The following IARS1 variants were observed in gnomAD, a reference collection of about 807,000 sequenced individuals.
IARS1 encodes the protein isoleucine--tRNA ligase, cytoplasmic.
IARS1 carries 124 observed loss-of-function variants against 168.2 expected under a neutral mutation model. The observed-to-expected ratio is 0.74, with a 90% confidence interval of 0.64 to 0.86. The LOEUF (loss-of-function observed/expected upper bound fraction) is 0.86. Ranked by LOEUF, IARS1 falls within the 40% of genes least tolerant of loss-of-function variation. IARS1 has a pLI of 0.00. For missense variants in IARS1, 1,452 were observed against 1,515.8 expected (o/e 0.96, Z 0.70); for synonymous variants, 532 against 529.4 (o/e 1.00, Z -0.07).
At chr9:92,284,002 G>A (rs1181954184) in intron 6 of IARS1, among the ~76,000 whole-genome samples, 1 of 152,094 alleles carries the variant, frequency 6.6e-6, no homozygotes, top group Non-Finnish European at 1.5e-5. Flanking sequence ...GCAACATGGT[G>A]AAACCACTCC....
intron 25 of IARS1, 45 bp downstream of exon 25, chr9:92,249,813 T>G (rs1198734334): frequency 1.0e-6 from 1 of 964,370 alleles, no homozygotes; most frequent in Non-Finnish European, 1.6e-6. Context: ...CAAAATAATG[T>G]TCTAAGTCTA....
At chr9:92,274,610 A>C (rs2133898406) in intron 9 of IARS1, 89 bp from the exon 10 acceptor site, 5 of 876,288 alleles carry the variant, frequency 5.7e-6, no homozygotes, top group Middle Eastern at 4.5e-4. Context: ...GAACCTGAAA[A>C]TGCTTTTAAC....
At chr9:92,248,890 T>A (rs1224684256) in intron 25 of IARS1, among the ~76,000 whole-genome samples, 1 of 152,164 alleles carries the variant, frequency 6.6e-6, no homozygotes, top group Admixed American at 6.5e-5. Flanking sequence ...GAAGATGAGG[T>A]AAAACATATG....
intron 33 of IARS1, 99 bp downstream of exon 33, chr9:92,222,421 A>G (rs1214707345): frequency 2.0e-5 from 14 of 690,404 alleles, no homozygotes; most frequent in Non-Finnish European, 4.5e-6. Flanking sequence ...AAACAGGATA[A>G]CAATAGTACT....
intron 16 of IARS1, among the ~76,000 whole-genome samples, chr9:92,264,607 C>T (rs1011198933): frequency 2.6e-5 from 4 of 152,176 alleles, no homozygotes; most frequent in South Asian, 2.1e-4. Flanking sequence ...AATACTCAAA[C>T]ATTTGAGTAA....
chr9:92,246,892 T>C (rs148844565), intron 26 of IARS1, among the ~76,000 whole-genome samples: 2 of 152,244 alleles, frequency 1.3e-5, no homozygotes, highest in East Asian at 3.9e-4. Context: ...GGAAAAAAAG[T>C]TTTACTTAAG....
chr9:92,247,800 G>C (rs755885196), intron 25 of IARS1, among the ~76,000 whole-genome samples: 1 of 152,142 alleles, frequency 6.6e-6, no homozygotes, highest in African/African-American at 2.4e-5. Flanking sequence ...GGTGAAACAC[G>C]CCAGACATAA....
At chr9:92,268,714 T>C (rs1197059520) in intron 13 of IARS1, among the ~76,000 whole-genome samples, 1 of 152,234 alleles carries the variant, frequency 6.6e-6, no homozygotes, top group East Asian at 1.9e-4. Context: ...GCCCTCTCTA[T>C]AGTCACCTCT....
chr9:92,242,024 C>T, intron 29 of IARS1, 130 bp downstream of exon 29: 1 of 718,126 alleles, frequency 1.4e-6, no homozygotes, highest in Non-Finnish European at 2.4e-6. Flanking sequence ...CCACTACTGT[C>T]CAGAGCAATA....
chr9:92,267,076 T>C lies in IARS1; in HGVS notation c.1431+1098A>G, dbSNP rs558878912. Among the ~76,000 whole-genome samples the C allele has an allele frequency of 1.6e-3, 241 of 152,270 alleles. 2 individuals carry two copies. Among genetic ancestry groups the C allele is most frequent in the Non-Finnish European group, 2.1e-3 (146 of 68,024 alleles). ...TGACTGAATGACATTATGTGGTGCA[T>C]GACTATATTATGCTTGGACCCGATT... On this transcript the variant is annotated intron_variant, in intron 14 of 33. Coordinates refer to ENST00000443024, the MANE Select transcript of IARS1 (RefSeq NM_002161.6).
chr9:92,227,904 C>G (rs1006404831), intron 31 of IARS1, among the ~76,000 whole-genome samples: 8 of 152,088 alleles, frequency 5.3e-5, no homozygotes, highest in Non-Finnish European at 7.4e-5. Flanking sequence ...GGCAGCCAGG[C>G]AGAGATGCTC....
At chr9:92,214,144 T>C (rs1170984143) in intron 33 of IARS1, among the ~76,000 whole-genome samples, 4 of 151,990 alleles carry the variant, frequency 2.6e-5, no homozygotes, top group African/African-American at 4.8e-5. Context: ...TTAAAGTGTG[T>C]CTGGGTTGTC....
At chr9:92,269,455 C>T (rs1336459323) in intron 13 of IARS1, among the ~76,000 whole-genome samples, 2 of 152,198 alleles carry the variant, frequency 1.3e-5, no homozygotes, top group Non-Finnish European at 2.9e-5. Context: ...CTTATCCATA[C>T]AGCCAAGCAC....
intron 5 of IARS1, 124 bp downstream of exon 5, chr9:92,286,412 C>A: frequency 1.7e-6 from 1 of 604,050 alleles, no homozygotes. Context: ...AAACCTGTTC[C>A]CAAAGATTTT....
rs573785127 is a variant in IARS1 at position 92,285,147 on chromosome 9, C to A, written c.597+575G>T. On this transcript the variant is annotated intron_variant, in intron 6 of 33. Transcript: ENST00000443024. ...AAAACTGAAAACAACTCAGTATACA[C>A]ACGAGAAGAGATGGTTCACATTTCA... 5.7e-4 allele frequency among the ~76,000 whole-genome samples: 87 copies of A among 152,254 alleles called. 1 individual carries two copies. The highest frequency in any genetic ancestry group is 8.2e-4 in the Non-Finnish European group (56 of 68,010).
intron 23 of IARS1, among the ~76,000 whole-genome samples, 168 bp downstream of exon 23, chr9:92,250,545 C>T (rs760648075): frequency 2.6e-5 from 4 of 152,174 alleles, no homozygotes; most frequent in Admixed American, 1.3e-4. Flanking sequence ...TCCTTGCTAC[C>T]GTGTACCAAA....
At chr9:92,249,599 A>G (rs1251691172) in intron 25 of IARS1, among the ~76,000 whole-genome samples, 1 of 152,190 alleles carries the variant, frequency 6.6e-6, no homozygotes, top group Non-Finnish European at 1.5e-5. Flanking sequence ...AGGACAGGAC[A>G]GAAAAGAACA....
chr9:92,235,513 A>ATTTTTTTTTTTTTTTTTTT (rs558342421), intron 30 of IARS1, among the ~76,000 whole-genome samples: 1 of 114,204 alleles, frequency 8.8e-6, no homozygotes, highest in African/African-American at 3.6e-5. Context: ...AATTACATTG[A>ATTTTTTTTTTTTTTTTTTT]TTTTTTTTTT....
intron 31 of IARS1, among the ~76,000 whole-genome samples, chr9:92,227,520 C>T (rs1825915854): frequency 6.6e-6 from 1 of 151,514 alleles, no homozygotes; most frequent in South Asian, 2.1e-4. Context: ...CGGGCAGAGG[C>T]GCCCCTCACC....
Sources: gnomAD v4.1 joint callset for allele counts (sites outside exome capture counted in the v4.1 genomes callset) on GRCh38, gnomAD v4.1.1 for gene constraint, MANE v1.5 for transcripts, NCBI Gene and HGNC (gene_info 2026-07-23, HGNC 2026-07-21) for gene names.